ABCB1: variants seen among roughly 807,000 people sequenced by gnomAD.
The protein encoded by ABCB1 is ATP-dependent translocase ABCB1.
In ABCB1, 69 loss-of-function variants were observed where a neutral mutation model predicts 142.0. That is an observed-to-expected ratio of 0.49 (90% CI 0.40 to 0.59). ABCB1 has a LOEUF of 0.59. ABCB1 is among the 20% of genes least tolerant of loss of function. ABCB1 has a pLI of 0.00. For synonymous variants in ABCB1, 532 were observed against 539.2 expected, an observed-to-expected ratio of 0.99 and a Z score of 0.18; for missense variants, 1,326 against 1,554.7, an observed-to-expected ratio of 0.85 and a Z score of 2.47.
intron 1 of ABCB1, among the ~76,000 whole-genome samples, chr7:87,681,983 A>G (rs1298443338): frequency 1.3e-5 from 2 of 152,228 alleles, no homozygotes; most frequent in Non-Finnish European, 2.9e-5. Context: ...AATACTCTCA[A>G]ACCCTGCCAC....
chr7:87,530,436 C>G (rs890807449), intron 21 of ABCB1, among the ~76,000 whole-genome samples: 3 of 152,108 alleles, frequency 2.0e-5, no homozygotes, highest in African/African-American at 7.2e-5. Context: ...GAGCCATGAC[C>G]TGCCTGTGCC....
At chr7:87,663,199 G>A (rs78413330) in intron 1 of ABCB1, among the ~76,000 whole-genome samples, 7,324 of 152,040 alleles carry the variant, frequency 0.048, 261 homozygotes, top group East Asian at 0.09. Context: ...AGGATAATTT[G>A]ACTTTTTCCT....
intron 1 of ABCB1, among the ~76,000 whole-genome samples, chr7:87,712,194 A>G (rs1463868578): frequency 6.6e-6 from 1 of 152,118 alleles, no homozygotes; most frequent in African/African-American, 2.4e-5. Flanking sequence ...TGAAAGAAAT[A>G]TTTGCATAAA....
intron 9 of ABCB1, 40 bp from the exon 10 acceptor site, chr7:87,550,878 G>T: frequency 7.6e-7 from 1 of 1,316,992 alleles, no homozygotes; most frequent in Non-Finnish European, 1.1e-6. Context: ...TACTGAGATA[G>T]TGACAGCAAT....
At chr7:87,616,841 G>C (rs1820046735) in intron 1 of ABCB1, among the ~76,000 whole-genome samples, 1 of 152,052 alleles carries the variant, frequency 6.6e-6, no homozygotes. Flanking sequence ...TTGGTCTAGA[G>C]ACCAACTGGT....
At chr7:87,562,862 T>C (rs748582651) in intron 7 of ABCB1, among the ~76,000 whole-genome samples, 15 of 150,740 alleles carry the variant, frequency 1.0e-4, no homozygotes, top group Non-Finnish European at 1.9e-4. Flanking sequence ...GACTTTGGGG[T>C]GACAAGTGGG....
intron 4 of ABCB1, among the ~76,000 whole-genome samples, chr7:87,572,431 G>A (rs1257630603): frequency 6.6e-6 from 1 of 152,150 alleles, no homozygotes; most frequent in East Asian, 1.9e-4. Context: ...CCTCCTTTAT[G>A]TTTGTATGTC....
At chr7:87,564,488 T>C (rs1487956530) in intron 7 of ABCB1, among the ~76,000 whole-genome samples, 1 of 152,174 alleles carries the variant, frequency 6.6e-6, no homozygotes. Flanking sequence ...GAAGACAGTC[T>C]TGGGCACAAA....
chr7:87,690,681 A>T (rs1431894887), intron 1 of ABCB1, among the ~76,000 whole-genome samples: 1 of 152,174 alleles, frequency 6.6e-6, no homozygotes, highest in Non-Finnish European at 1.5e-5. Context: ...ATGTAAATAC[A>T]AAGTGAAAGA....
At chr7:87,560,300 T>C (rs558404791) in intron 8 of ABCB1, among the ~76,000 whole-genome samples, 54 of 152,196 alleles carry the variant, frequency 3.5e-4, no homozygotes, top group Non-Finnish European at 5.7e-4. Flanking sequence ...CCATTATAAA[T>C]TATTCTCAGA....
At chr7:87,659,207 A>G (rs1824444286) in intron 1 of ABCB1, 1 of 428,838 alleles carries the variant, frequency 2.3e-6, no homozygotes, top group Non-Finnish European at 4.6e-6. Context: ...GGAAGAAAGG[A>G]TACAGTAAAC....
intron 1 of ABCB1, among the ~76,000 whole-genome samples, chr7:87,708,307 C>T (rs1230413964): frequency 6.6e-6 from 1 of 151,856 alleles, no homozygotes; most frequent in Non-Finnish European, 1.5e-5. Flanking sequence ...GAAGAAGAGG[C>T]CAAGTGTGTA....
At chr7:87,633,226 C>G (rs187933869) in intron 1 of ABCB1, among the ~76,000 whole-genome samples, 1 of 152,106 alleles carries the variant, frequency 6.6e-6, no homozygotes, top group African/African-American at 2.4e-5. Context: ...TATTTTGGAG[C>G]GCAGGATTTG....
At chr7:87,525,584 G>A (rs1027019592) in intron 21 of ABCB1, among the ~76,000 whole-genome samples, 8 of 152,100 alleles carry the variant, frequency 5.3e-5, no homozygotes, top group Non-Finnish European at 4.4e-5. Flanking sequence ...GTAAGCTAGA[G>A]GGAAGAAAAT....
intron 1 of ABCB1, among the ~76,000 whole-genome samples, chr7:87,664,273 C>G (rs1825010355): frequency 6.6e-6 from 1 of 152,074 alleles, no homozygotes; most frequent in Non-Finnish European, 1.5e-5. Flanking sequence ...CTGTAGTACA[C>G]TATTATTGTA....
chr7:87,521,490 C>T, intron 21 of ABCB1: 2 of 745,190 alleles, frequency 2.7e-6, no homozygotes, highest in South Asian at 2.9e-5. Context: ...CTAATGAGCC[C>T]AAACAGCTGA....
At chr7:87,579,956 G>A (rs1439427848) in intron 4 of ABCB1, among the ~76,000 whole-genome samples, 2 of 152,058 alleles carry the variant, frequency 1.3e-5, no homozygotes, top group African/African-American at 4.8e-5. Flanking sequence ...TTTAACTTCA[G>A]CTCCCTACTT....
chr7:87,571,091 G>A (rs1397714352), intron 4 of ABCB1, among the ~76,000 whole-genome samples: 5 of 152,104 alleles, frequency 3.3e-5, no homozygotes, highest in Non-Finnish European at 7.3e-5. Context: ...TATCACAATC[G>A]AGACTGCAAA....
At chr7:87,629,699 G>T (rs1361224227) in intron 1 of ABCB1, among the ~76,000 whole-genome samples, 2 of 151,872 alleles carry the variant, frequency 1.3e-5, no homozygotes, top group East Asian at 1.9e-4. Flanking sequence ...AGGCTGAGGC[G>T]GGCGGATCAC....
Sources: allele counts gnomAD v4.1 joint callset (sites outside exome capture counted in the v4.1 genomes callset), GRCh38; gene constraint gnomAD v4.1.1; transcripts MANE v1.5; gene names NCBI Gene and HGNC (gene_info 2026-07-23, HGNC 2026-07-21).